The following PPM1L variants were observed in gnomAD, a reference collection of about 807,000 sequenced individuals.
PPM1L encodes the protein protein phosphatase, Mg2+/Mn2+ dependent 1L.
PPM1L carries 13 observed loss-of-function variants against 31.4 expected under a neutral mutation model. The ratio of observed to expected loss-of-function variants is 0.41; its 90% confidence interval spans 0.27 to 0.66. The LOEUF is 0.66. Among genes scored for constraint, PPM1L ranks in the 30% least tolerant of loss-of-function variants. PPM1L has a pLI of 0.29. For missense variants in PPM1L, 326 were observed against 453.7 expected (o/e 0.72, Z 2.56); for synonymous variants, 184 against 175.4 (o/e 1.05, Z -0.39).
intron 2 of PPM1L, among the ~76,000 whole-genome samples, chr3:160,994,108 T>C (rs1202724891): frequency 6.6e-6 from 1 of 152,078 alleles, no homozygotes; most frequent in Non-Finnish European, 1.5e-5. Flanking sequence ...TGAATAAAAA[T>C]TACCTTAAAT....
chr3:160,913,048 G>T (rs1484764544), intron 1 of PPM1L, among the ~76,000 whole-genome samples: 3 of 152,098 alleles, frequency 2.0e-5, no homozygotes, highest in African/African-American at 7.2e-5. Flanking sequence ...TGGGATAGAT[G>T]GGATGCCCTG....
At chr3:160,903,699 C>T (rs1334493972) in intron 1 of PPM1L, among the ~76,000 whole-genome samples, 7 of 151,770 alleles carry the variant, frequency 4.6e-5, no homozygotes. Flanking sequence ...ATACCAGGCA[C>T]TGTGCTAGGT....
At chr3:160,990,249 A>T (rs1196200327) in intron 2 of PPM1L, among the ~76,000 whole-genome samples, 1 of 151,794 alleles carries the variant, frequency 6.6e-6, no homozygotes, top group Non-Finnish European at 1.5e-5. Context: ...TGATTCTCCC[A>T]CCTCAGCCTC....
At chr3:160,976,843 T>G (rs1475865812) in intron 2 of PPM1L, among the ~76,000 whole-genome samples, 1 of 152,216 alleles carries the variant, frequency 6.6e-6, no homozygotes, top group Non-Finnish European at 1.5e-5. Context: ...TTCATTAATT[T>G]TTTGAAGGGT....
At chr3:161,066,163 T>G (rs1576626902) in intron 3 of PPM1L, among the ~76,000 whole-genome samples, 1 of 152,326 alleles carries the variant, frequency 6.6e-6, no homozygotes, top group Middle Eastern at 3.4e-3. Flanking sequence ...GGAACTTGGT[T>G]TTGTTCATCT....
chr3:160,899,380 G>A (rs1433507118), intron 1 of PPM1L, among the ~76,000 whole-genome samples: 3 of 152,118 alleles, frequency 2.0e-5, no homozygotes, highest in African/African-American at 7.2e-5. Flanking sequence ...CAGAATAAAT[G>A]TGAAATGAAG....
chr3:160,823,405 G>A (rs1713265641), intron 1 of PPM1L, among the ~76,000 whole-genome samples: 1 of 149,690 alleles, frequency 6.7e-6, no homozygotes, highest in African/African-American at 2.5e-5. Context: ...TAGAGATCGG[G>A]TTTCGCCATG....
At position 160,993,234 on chromosome 3, in the gene PPM1L, A is replaced by G. The variant is rs569759001; in HGVS notation, c.574+31324A>G. 8.5e-5 allele frequency among the ~76,000 whole-genome samples: 13 copies of G among 152,336 alleles called. No homozygotes were observed. The South Asian group carries it at 2.7e-3, about 32-fold the overall frequency. Reference sequence around the variant, plus strand: ...GCCTTTATAATGAATATCTAACAAAAAACTTTCTGCAGGGTATGGCAGTCT... The same window carrying G: ...GCCTTTATAATGAATATCTAACAAAGAACTTTCTGCAGGGTATGGCAGTCT... On this transcript the variant is annotated intron_variant, in intron 2 of 3. Coordinates refer to ENST00000498165, the MANE Select transcript of PPM1L (RefSeq NM_139245.4).
Position 160,897,729 on chromosome 3 carries a change from A to T in PPM1L, c.400-64007A>T, listed in dbSNP as rs183671295. On this transcript the variant is annotated intron_variant, in intron 1 of 3. Coordinates refer to ENST00000498165, the MANE Select transcript of PPM1L (RefSeq NM_139245.4). ...ATTCATCTGCCAGAATGGCACTGTG[A>T]TAATTAGATAGACTGCCAGCTGGAT... Among the ~76,000 whole-genome samples, 5 of 152,350 alleles carry T rather than the reference A, an allele frequency of 3.3e-5. No individual in the cohort carries two copies. The East Asian group carries it at 5.8e-4, about 18-fold the overall frequency.
At position 160,961,880 on chromosome 3, in the gene PPM1L, G is replaced by C. The variant is rs1010968719; in HGVS notation, c.544G>C (p.Glu182Gln). 1.3e-6 allele frequency: 2 copies of C among 1,592,688 alleles called. No individual in the cohort carries two copies. The highest frequency in any genetic ancestry group is 1.7e-6 in the Non-Finnish European group (2 of 1,171,556). Residue 182 changes from glutamate to glutamine, a missense_variant, in exon 2 of 4, where the codon GAA becomes CAA. Glu to Gln is a conservative substitution (Grantham distance 29). Coordinates refer to ENST00000498165, the MANE Select transcript of PPM1L (RefSeq NM_139245.4). ...TTTGTCAATTGACCGAGAAATGCTAGAAAAATTGACTGTATCCTATGATGA... is the reference window on the plus strand; with the variant it reads ...TTTGTCAATTGACCGAGAAATGCTACAAAAATTGACTGTATCCTATGATGA... ...QILSIDREML[E>Q]KLTVSYDEAG... is the part of the protein sequence containing the mutation.
intron 1 of PPM1L, among the ~76,000 whole-genome samples, chr3:160,869,118 T>G (rs1712205572): frequency 6.6e-6 from 1 of 152,222 alleles, no homozygotes; most frequent in South Asian, 2.1e-4. Flanking sequence ...GCTTTCCTCA[T>G]CTGCACGATG....
intron 2 of PPM1L, among the ~76,000 whole-genome samples, chr3:160,979,847 C>T (rs1716736850): frequency 6.6e-6 from 1 of 152,000 alleles, no homozygotes; most frequent in African/African-American, 2.4e-5. Flanking sequence ...TTCTTGTTTT[C>T]AATAAAACTT....
In PPM1L at chr3:161,073,808, G is replaced by A. The variant is rs1245996076; in HGVS notation, c.*4651G>A. On this transcript the variant is annotated 3_prime_UTR_variant, in exon 4 of 4. Coordinates refer to ENST00000498165, the MANE Select transcript of PPM1L (RefSeq NM_139245.4). ...GATATCCTGACCTTGTAATCCACCA[G>A]CCTTGGCCTCCCAAAGTGCTGGGAT... 1 of 152,160 alleles carries A rather than the reference G, an allele frequency of 6.6e-6. No homozygotes were observed. The highest frequency in any genetic ancestry group is 1.9e-4 in the East Asian group (1 of 5,176). 9.4% of individuals were successfully genotyped at this position (152,160 alleles called of 1,614,324 possible). A position where few individuals can be genotyped will look rare whatever the true frequency, so the allele number is the denominator to read the frequency against.
chr3:160,867,362 C>G (rs576119801), intron 1 of PPM1L, among the ~76,000 whole-genome samples: 1 of 136,128 alleles, frequency 7.3e-6, no homozygotes, highest in South Asian at 2.3e-4. Context: ...AGAAAACAGG[C>G]TTGTGAAGTT....
chr3:160,910,591 G>A (rs901334352), intron 1 of PPM1L, among the ~76,000 whole-genome samples: 10 of 152,134 alleles, frequency 6.6e-5, no homozygotes, highest in Admixed American at 1.3e-4. Context: ...GATTACAGGC[G>A]TGAGCTATCG....
In PPM1L at chr3:161,075,481, A is replaced by G. The variant is rs1559947040; in HGVS notation, c.*6324A>G. On this transcript the variant is annotated 3_prime_UTR_variant, in exon 4 of 4. Coordinates refer to ENST00000498165, the MANE Select transcript of PPM1L (RefSeq NM_139245.4). ...TAGAGTATTGGTTAATGCTTTGCTT[A>G]TTTGTTAATGAAGACAGCATTTTAA... The G allele has an allele frequency of 1.3e-5, 2 of 152,182 alleles. No homozygotes were observed. Among genetic ancestry groups the G allele is most frequent in the Admixed American group, 6.5e-5 (1 of 15,274 alleles). 9.4% of individuals were successfully genotyped at this position (152,182 alleles called of 1,614,324 possible).
chr3:161,069,013 A>G lies in PPM1L; in HGVS notation c.939A>G (p.Ala313=), dbSNP rs1317924740. The G allele has an allele frequency of 1.2e-6, 2 of 1,614,198 alleles. No homozygotes were observed. Among genetic ancestry groups the G allele is most frequent in the South Asian group, 2.2e-5 (2 of 91,080 alleles). Residue 313 remains alanine (A), a synonymous_variant, in exon 4 of 4, where the codon GCA becomes GCG. Transcript: ENST00000498165. The stretch of plus-strand genomic sequence containing the variant: ...GGGATGCTTTCAGCAATGAAGAAGC[A>G]GTTCGATTCATCAAGGAGCGCTTGG... ...GLWDAFSNEE[A]VRFIKERLDE...
chr3:160,781,051 T>G (rs1711734860), intron 1 of PPM1L, among the ~76,000 whole-genome samples: 1 of 152,210 alleles, frequency 6.6e-6, no homozygotes, highest in Non-Finnish European at 1.5e-5. Flanking sequence ...TATTTATTTT[T>G]TACTTTCTAT....
chr3:161,016,289 C>T (rs776845536), intron 2 of PPM1L, among the ~76,000 whole-genome samples: 9 of 152,180 alleles, frequency 5.9e-5, no homozygotes, highest in Non-Finnish European at 1.2e-4. Flanking sequence ...AACATTTATT[C>T]ATTTCTGTCA....
Sources: allele counts gnomAD v4.1 joint callset (sites outside exome capture counted in the v4.1 genomes callset), GRCh38; gene constraint gnomAD v4.1.1; transcripts MANE v1.5; gene names NCBI Gene and HGNC (gene_info 2026-07-23, HGNC 2026-07-21).